Variants in NLK observed in about 807,000 individuals in gnomAD.
NLK encodes nemo like kinase, also known as serine/threonine-protein kinase NLK.
NLK carries 11 observed loss-of-function variants against 59.0 expected under a neutral mutation model. The observed-to-expected ratio is 0.19, with a 90% CI of 0.12 to 0.31. The LOEUF is 0.31. Ranked by LOEUF, NLK falls within the 10% of genes least tolerant of loss-of-function variation. The pLI, the probability that NLK is intolerant of heterozygous loss-of-function variation, is 1.00. For synonymous variants in NLK, 235 were observed against 235.9 expected (o/e 1.00, Z 0.03); for missense variants, 410 against 661.1 (o/e 0.62, Z 4.16).
intron 3 of NLK, among the ~76,000 whole-genome samples, chr17:28,160,153 G>T (rs1907944222): frequency 1.3e-5 from 2 of 152,204 alleles, no homozygotes; most frequent in South Asian, 4.1e-4. Context: ...CACGAGTGTG[G>T]ATAGGGAAGA....
intron 8 of NLK, among the ~76,000 whole-genome samples, chr17:28,186,042 A>G (rs759042765): frequency 6.6e-5 from 10 of 152,210 alleles, no homozygotes; most frequent in Non-Finnish European, 1.2e-4. Flanking sequence ...ATTCACATCT[A>G]TGCCAATAAC....
At chr17:28,068,316 C>CT (rs898551158) in intron 1 of NLK, among the ~76,000 whole-genome samples, 1 of 151,846 alleles carries the variant, frequency 6.6e-6, no homozygotes, top group Non-Finnish European at 1.5e-5. Context: ...TTTTAATTTT[C>CT]TTTTTTTCTT....
chr17:28,064,305 A>AT (rs1217258928), intron 1 of NLK, among the ~76,000 whole-genome samples: 1 of 150,378 alleles, frequency 6.6e-6, no homozygotes, highest in Non-Finnish European at 1.5e-5. Context: ...AGCCTGGCTA[A>AT]TTTTTTTATT....
intron 2 of NLK, among the ~76,000 whole-genome samples, chr17:28,132,016 GCCTGCCCATCGATCAA>G (rs1432576299): frequency 2.0e-5 from 3 of 151,986 alleles, no homozygotes; most frequent in Admixed American, 6.6e-5. Context: ...TCTTTACACT[GCCTGCCCATCGATCAA>G]CCAACTGCCA....
intron 1 of NLK, among the ~76,000 whole-genome samples, chr17:28,057,983 A>G (rs534942676): frequency 6.6e-6 from 1 of 152,326 alleles, no homozygotes; most frequent in African/African-American, 2.4e-5. Flanking sequence ...TGCCTAGGCT[A>G]CAATATAAGA....
chr17:28,109,979 T>C (rs1223173320), intron 1 of NLK, among the ~76,000 whole-genome samples: 2 of 152,216 alleles, frequency 1.3e-5, no homozygotes, highest in Admixed American at 1.3e-4. Flanking sequence ...TGGGATTACA[T>C]TGAATCTATA....
At chr17:28,146,407 C>CGATGAT (rs942764425) in intron 3 of NLK, among the ~76,000 whole-genome samples, 45 of 63,444 alleles carry the variant, frequency 7.1e-4, no homozygotes, top group African/African-American at 2.9e-3. Context: ...ATGATGATGA[C>CGATGAT]GATGATGATG....
At chr17:28,184,690 G>A (rs1389521672) in intron 7 of NLK, among the ~76,000 whole-genome samples, 1 of 152,212 alleles carries the variant, frequency 6.6e-6, no homozygotes, top group Non-Finnish European at 1.5e-5. Flanking sequence ...GCTCACGCCT[G>A]TAATCCCAGC....
chr17:28,052,816 G>T (rs1471503681), intron 1 of NLK, among the ~76,000 whole-genome samples: 1 of 150,110 alleles, frequency 6.7e-6, no homozygotes, highest in African/African-American at 2.5e-5. Context: ...GTCTCAGTTT[G>T]GTCTAACCAC....
At chr17:28,054,108 G>A (rs1486663744) in intron 1 of NLK, among the ~76,000 whole-genome samples, 1 of 152,168 alleles carries the variant, frequency 6.6e-6, no homozygotes, top group Non-Finnish European at 1.5e-5. Context: ...GGAAATTTGA[G>A]CTTTATTAAA....
intron 1 of NLK, among the ~76,000 whole-genome samples, chr17:28,090,824 A>G (rs1238623551): frequency 6.6e-6 from 1 of 152,194 alleles, no homozygotes; most frequent in Non-Finnish European, 1.5e-5. Context: ...TCAATGAGAA[A>G]TATGCTATAA....
chr17:28,048,447 T>C (rs1909137243), intron 1 of NLK: 1 of 152,288 alleles, frequency 6.6e-6, no homozygotes, highest in Non-Finnish European at 1.5e-5. Flanking sequence ...GTTAGAACAA[T>C]ATCCCTCAAC....
At position 28,191,022 on chromosome 17, in the gene NLK, C is replaced by A. The variant is rs562720805; in HGVS notation, c.1238C>A (p.Ser413Tyr). ...LLCRMLVFDPSKRISAKDALA... is the reference protein window; with the variant it reads ...LLCRMLVFDPYKRISAKDALA... ...TGCTGGTCTCTAATTTGATTTCAGT[C>A]CAAAAGAATATCCGCTAAGGATGCC... The change falls in exon 9 of 11, where the codon TCC (serine) becomes TAC (tyrosine). Residue 413 changes from serine (S) to tyrosine (Y), a missense_variant and splice_region_variant. Around this residue, in one of 5 missense-constraint regions of NLK, gnomAD observed 150 missense variants for 244.3 expected, o/e 0.61. Transcript: ENST00000407008. 1.3e-5 allele frequency: 21 copies of A among 1,588,634 alleles called. No homozygotes were observed. The highest frequency in any genetic ancestry group is 5.4e-5 in the African/African-American group (4 of 73,894).
At chr17:28,054,953 AAC>A (rs1180657540) in intron 1 of NLK, among the ~76,000 whole-genome samples, 1 of 152,074 alleles carries the variant, frequency 6.6e-6, no homozygotes, top group Non-Finnish European at 1.5e-5. Context: ...TTAAGAGGAT[AAC>A]TCTCTTTAAA....
rs546904517 is a variant in NLK, at chr17:28,108,266, T to C, written c.459-14337T>C. Among the ~76,000 whole-genome samples the C allele has an allele frequency of 6.3e-4, 96 of 152,110 alleles. No individual in the cohort carries two copies. The Middle Eastern group carries it at 0.014, about 22-fold the overall frequency. On this transcript the variant is annotated intron_variant, in intron 1 of 10. Coordinates refer to ENST00000407008, the MANE Select transcript of NLK (RefSeq NM_016231.5). ...ATACATTCCTGACAATCCAAAAGTA[T>C]AAAGGAAATGTAAGGGTTTTTCATA...
intron 7 of NLK, among the ~76,000 whole-genome samples, chr17:28,181,663 G>A (rs1332275707): frequency 2.6e-5 from 4 of 151,912 alleles, no homozygotes; most frequent in Non-Finnish European, 5.9e-5. Flanking sequence ...CAAATATACT[G>A]TATGGGTTCT....
intron 7 of NLK, among the ~76,000 whole-genome samples, chr17:28,182,973 G>A (rs1908970813): frequency 6.6e-6 from 1 of 152,154 alleles, no homozygotes; most frequent in African/African-American, 2.4e-5. Flanking sequence ...AAGAAGCCCA[G>A]GAACTATGAA....
At chr17:28,130,399 G>A (rs937956478) in intron 2 of NLK, among the ~76,000 whole-genome samples, 1 of 152,046 alleles carries the variant, frequency 6.6e-6, no homozygotes, top group African/African-American at 2.4e-5. Flanking sequence ...GGAGTAGAAA[G>A]AGCAGGAGGA....
chr17:28,114,083 A>G (rs896515997), intron 1 of NLK, among the ~76,000 whole-genome samples: 1 of 152,134 alleles, frequency 6.6e-6, no homozygotes, highest in African/African-American at 2.4e-5. Flanking sequence ...TAATTGCTGG[A>G]GAGTATTCCA....
Sources: gnomAD v4.1 joint callset for allele counts (sites outside exome capture counted in the v4.1 genomes callset) on GRCh38, gnomAD v4.1.1 for gene constraint, gnomAD v4.1.1 regional missense constraint, MANE v1.5 for transcripts, NCBI Gene and HGNC (gene_info 2026-07-23, HGNC 2026-07-21) for gene names.